The following IGF1 variants were observed in gnomAD, a reference collection of about 807,000 sequenced individuals.
IGF1 encodes insulin-like growth factor 1.
A neutral mutation model predicts 13.8 loss-of-function variants in IGF1; 4 were observed. The observed-to-expected ratio is 0.29, with a 90% confidence interval of 0.14 to 0.66. IGF1 has a LOEUF of 0.66. Ranked by LOEUF, IGF1 falls within the 30% of genes least tolerant of loss-of-function variation. The pLI is 0.78. For missense variants in IGF1, 124 were observed against 188.5 expected, an observed-to-expected ratio of 0.66 and a Z score of 2.00; for synonymous variants, 76 against 72.6, an observed-to-expected ratio of 1.05 and a Z score of -0.23.
chr12:102,396,492 G>A lies in IGF1; in HGVS notation c.*6015C>T, dbSNP rs1238059156. 1 of 174,208 alleles carries A rather than the reference G, an allele frequency of 5.7e-6. No individual in the cohort carries two copies. The highest frequency in any genetic ancestry group is 1.4e-4 in the East Asian group (1 of 7,090). 10.8% of individuals were successfully genotyped at this position (174,208 alleles called of 1,614,324 possible). A position where few individuals can be genotyped will look rare whatever the true frequency, so the allele number is the denominator to read the frequency against. On this transcript the variant is annotated 3_prime_UTR_variant, in exon 4 of 4. Transcript: ENST00000337514. ...ATATCCAAACAAAATCAGATTAAGG[G>A]ATTAACAGAAGTGACTTTGCTATGA...
At chr12:102,459,595 T>C (rs1390370166) in intron 2 of IGF1, among the ~76,000 whole-genome samples, 1 of 152,112 alleles carries the variant, frequency 6.6e-6, no homozygotes, top group Admixed American at 6.5e-5. Flanking sequence ...CTTAGGGTGA[T>C]TGTGCAACCC....
intron 2 of IGF1, among the ~76,000 whole-genome samples, chr12:102,433,718 G>T (rs1285021597): frequency 6.6e-6 from 1 of 152,134 alleles, no homozygotes; most frequent in Non-Finnish European, 1.5e-5. Context: ...TCACTGATTG[G>T]TGGATTGACA....
At chr12:102,469,188 A>C (rs993687254) in intron 2 of IGF1, among the ~76,000 whole-genome samples, 1 of 152,114 alleles carries the variant, frequency 6.6e-6, no homozygotes, top group Non-Finnish European at 1.5e-5. Context: ...TATTTTGGGG[A>C]AGTTTCTTCC....
chr12:102,458,773 A>ATATTAT (rs1879662252), intron 2 of IGF1, among the ~76,000 whole-genome samples: 1 of 146,150 alleles, frequency 6.8e-6, no homozygotes, highest in African/African-American at 2.5e-5. Flanking sequence ...TGTAAGAGTA[A>ATATTAT]TATTATTGCT....
intron 2 of IGF1, among the ~76,000 whole-genome samples, chr12:102,432,562 G>T (rs1433757483): frequency 6.6e-6 from 1 of 152,184 alleles, no homozygotes; most frequent in Non-Finnish European, 1.5e-5. Flanking sequence ...AGACAGCCAA[G>T]GTGGAGCACA....
intron 2 of IGF1, among the ~76,000 whole-genome samples, chr12:102,455,884 T>A (rs1190807662): frequency 1.3e-5 from 2 of 152,322 alleles, no homozygotes; most frequent in South Asian, 4.1e-4. Flanking sequence ...AAGAAGTTGG[T>A]TAACCATATG....
intron 2 of IGF1, among the ~76,000 whole-genome samples, chr12:102,435,183 C>A (rs538965406): frequency 6.6e-6 from 1 of 152,090 alleles, no homozygotes; most frequent in Non-Finnish European, 1.5e-5. Context: ...TAAAGAAGAG[C>A]CTTGAGCATA....
chr12:102,428,777 A>G (rs1308301320), intron 2 of IGF1, among the ~76,000 whole-genome samples: 1 of 152,200 alleles, frequency 6.6e-6, no homozygotes, highest in African/African-American at 2.4e-5. Context: ...TGTTTAACAT[A>G]GGCCAATGTT....
chr12:102,414,279 CT>C (rs954327036), intron 3 of IGF1, among the ~76,000 whole-genome samples: 9 of 152,056 alleles, frequency 5.9e-5, no homozygotes, highest in Non-Finnish European at 1.0e-4. Flanking sequence ...GTTGTTGCCC[CT>C]ATTTAACAGA....
intron 2 of IGF1, among the ~76,000 whole-genome samples, chr12:102,420,066 C>T (rs955534550): frequency 1.2e-4 from 18 of 152,288 alleles, no homozygotes; most frequent in African/African-American, 2.2e-4. Flanking sequence ...TTGTTGGCAA[C>T]GCTGCATTGC....
chr12:102,441,930 T>TCTTCTTCTCCTTCTC (rs1877822296), intron 2 of IGF1, among the ~76,000 whole-genome samples: 2 of 131,800 alleles, frequency 1.5e-5, no homozygotes, highest in Admixed American at 1.7e-4. Flanking sequence ...TTCTTCTTCT[T>TCTTCTTCTCCTTCTC]CTTCTTCTTC....
intron 2 of IGF1, among the ~76,000 whole-genome samples, chr12:102,472,093 C>T (rs1254796367): frequency 6.6e-6 from 1 of 152,120 alleles, no homozygotes; most frequent in Non-Finnish European, 1.5e-5. Context: ...CATTATGCCA[C>T]CATTTTTCTC....
At chr12:102,404,525 G>A (rs927832979) in intron 3 of IGF1, among the ~76,000 whole-genome samples, 1 of 152,136 alleles carries the variant, frequency 6.6e-6, no homozygotes, top group Non-Finnish European at 1.5e-5. Flanking sequence ...TGAGTAGAAG[G>A]AAGATGGCAT....
intron 3 of IGF1, among the ~76,000 whole-genome samples, chr12:102,406,216 A>G (rs1360243411): frequency 6.6e-6 from 1 of 152,242 alleles, no homozygotes; most frequent in Non-Finnish European, 1.5e-5. Context: ...AAACAAAAGC[A>G]CTCAGGGACT....
chr12:102,477,997 CT>C (rs66470486), intron 1 of IGF1, among the ~76,000 whole-genome samples: 90,486 of 127,356 alleles, frequency 0.71, 31,447 homozygotes, highest in Middle Eastern at 0.78. Flanking sequence ...TTCTCTTTTT[CT>C]TTTTTTTTTT....
intron 2 of IGF1, among the ~76,000 whole-genome samples, chr12:102,429,318 G>A (rs1876525615): frequency 2.0e-5 from 3 of 152,006 alleles, no homozygotes; most frequent in South Asian, 4.1e-4. Context: ...CCATGAAACT[G>A]TAAATGCCTT....
chr12:102,480,417 T>C lies in IGF1; in HGVS notation c.-36A>G. ...GTACAAAGTCTGAAAATGAATTGGT[T>C]AGCAGGAATAATGAAGCAAAAAGAA... On this transcript the variant is annotated 5_prime_UTR_variant, in exon 1 of 4. Coordinates refer to ENST00000337514, the MANE Select transcript of IGF1 (RefSeq NM_000618.5). The C allele has an allele frequency of 6.2e-7, 1 of 1,612,876 alleles. No individual in the cohort carries two copies. Among genetic ancestry groups the C allele is most frequent in the South Asian group, 1.1e-5 (1 of 91,046 alleles).
chr12:102,436,516 A>G (rs1877232711), intron 2 of IGF1, among the ~76,000 whole-genome samples: 1 of 152,148 alleles, frequency 6.6e-6, no homozygotes, highest in African/African-American at 2.4e-5. Context: ...TCCTAGGGTA[A>G]TGGAGAGAAG....
chr12:102,412,477 C>T (rs1326328279), intron 3 of IGF1, among the ~76,000 whole-genome samples: 1 of 152,124 alleles, frequency 6.6e-6, no homozygotes, highest in Non-Finnish European at 1.5e-5. Context: ...TAGTTTATTA[C>T]AGATTCTAAA....
Sources: gnomAD v4.1 joint callset for allele counts (sites outside exome capture counted in the v4.1 genomes callset) on GRCh38, gnomAD v4.1.1 for gene constraint, MANE v1.5 for transcripts, NCBI Gene and HGNC (gene_info 2026-07-23, HGNC 2026-07-21) for gene names.